Variants in ZNF334 observed in about 807,000 individuals in gnomAD.
ZNF334 encodes the protein zinc finger protein 334.
A neutral mutation model predicts 12.4 loss-of-function variants in ZNF334; 14 were observed. The ratio of observed to expected loss-of-function variants is 1.13; its 90% CI spans 0.74 to 1.76. The LOEUF is 1.76. ZNF334 is among the 40% of genes most tolerant of loss of function. The probability of loss-of-function intolerance (pLI) is 0.00; values close to 1 mark genes in which losing one functional copy is unlikely to be tolerated. For synonymous variants in ZNF334, 273 were observed against 269.6 expected, an observed-to-expected ratio of 1.01 and a Z score of -0.12; for missense variants, 797 against 804.5, an observed-to-expected ratio of 0.99 and a Z score of 0.11.
At position 46,504,333 on chromosome 20, in the gene ZNF334, G is replaced by T. The variant is rs751737703; in HGVS notation, c.149-27C>A. ...TGTTAATGGGAAATTACAGAACTTGGACCAAGATCTTTGGACATCAGAGAC... is the reference window on the plus strand; with the variant it reads ...TGTTAATGGGAAATTACAGAACTTGTACCAAGATCTTTGGACATCAGAGAC... On this transcript the variant is annotated intron_variant, in intron 3 of 4. Transcript: ENST00000692313. 6 of 1,592,214 alleles carry T rather than the reference G, an allele frequency of 3.8e-6. No individual in the cohort carries two copies. In the South Asian group the frequency reaches 6.6e-5, roughly 18 times the overall value.
At chr20:46,507,540 C>A (rs1322928131) in intron 2 of ZNF334, among the ~76,000 whole-genome samples, 1 of 152,280 alleles carries the variant, frequency 6.6e-6, no homozygotes, top group East Asian at 1.9e-4. Context: ...TCAGGGGAAG[C>A]GAGGTGAAGG....
chr20:46,485,397 T>C, the ZNF334 span: 2 of 152,038 alleles, frequency 1.3e-5, no homozygotes, highest in Admixed American at 6.5e-5. Context: ...TTACAATGAA[T>C]GAATGGGTTA....
the ZNF334 span, among the ~76,000 whole-genome samples, chr20:46,486,460 T>C: frequency 1.3e-5 from 2 of 152,226 alleles, no homozygotes; most frequent in African/African-American, 2.4e-5. Context: ...CACGATTTTA[T>C]ATATGGCTGC....
intron 4 of ZNF334, 81 bp downstream of exon 4, chr20:46,504,133 T>A (rs906243136): frequency 1.8e-5 from 17 of 957,850 alleles, no homozygotes; most frequent in African/African-American, 3.3e-5. Context: ...ATGAAAAACA[T>A]TACGATGCCA....
In ZNF334 at chr20:46,503,046, G is replaced by A. The variant is rs773180208; in HGVS notation, c.293C>T (p.Thr98Ile). The A allele has an allele frequency of 1.2e-6, 2 of 1,610,554 alleles. No homozygotes were observed. The highest frequency in any genetic ancestry group is 2.2e-5 in the South Asian group (2 of 90,214). Residue 98 changes from threonine (T) to isoleucine (I), a missense_variant, in exon 5 of 5, where the codon ACA (threonine) becomes ATA (isoleucine). Physicochemically the swap from Thr to Ile is moderately conservative, Grantham distance 89. Transcript: ENST00000692313. ...KNKEIQDKHL[T>I]QTVFFSNKTL... The stretch of plus-strand genomic sequence containing the variant: ...TTTGTTGCTGAAGAATACAGTTTGT[G>A]TCAAATGTTTATCTTGGATTTCCTT...
Position 46,510,548 on chromosome 20 carries a change from A to C in ZNF334, c.21+1534T>G, listed in dbSNP as rs569039627. Among the ~76,000 whole-genome samples the C allele has an allele frequency of 7.4e-4, 112 of 151,988 alleles. 4 individuals carry two copies. Among genetic ancestry groups the C allele is most frequent in the Middle Eastern group, 3.4e-3 (1 of 292 alleles). On this transcript the variant is annotated intron_variant, in intron 2 of 4. Transcript: ENST00000692313. ...AGACCATCCTGGCTAACATGGCGAA[A>C]CCCCGTCTCTACTAAAAAATACAAA...
rs141150629 is a variant in ZNF334 at position 46,502,696 on chromosome 20, C to T, written c.643G>A (p.Gly215Arg). The T allele has an allele frequency of 2.5e-5, 40 of 1,612,952 alleles. No individual in the cohort carries two copies. Among genetic ancestry groups the T allele is most frequent in the Non-Finnish European group, 3.2e-5 (38 of 1,179,982 alleles). Residue 215 changes from glycine (G) to arginine (R), a missense_variant, in exon 5 of 5, where the codon GGG becomes AGG. By Grantham distance (125) the Gly-to-Arg change is moderately radical. Transcript: ENST00000692313. ...LKQPFDYNKC[G>R]KTFFKRAILI... ...ATTGCCCTCTTGAAGAAGGTTTTCC[C>T]ACATTTATTATAGTCAAACGGTTGT...
chr20:46,482,414 C>T, the ZNF334 span, among the ~76,000 whole-genome samples: 1 of 152,108 alleles, frequency 6.6e-6, no homozygotes, highest in Non-Finnish European at 1.5e-5. Context: ...GAATCATAAA[C>T]GAATTTACCA....
chr20:46,503,842 G>C (rs2061336457), intron 4 of ZNF334, among the ~76,000 whole-genome samples: 1 of 152,158 alleles, frequency 6.6e-6, no homozygotes, highest in Admixed American at 6.5e-5. Flanking sequence ...GAGAAAAATG[G>C]AAGACAATTA....
the ZNF334 span, among the ~76,000 whole-genome samples, chr20:46,487,205 A>T: frequency 6.6e-6 from 1 of 152,134 alleles, no homozygotes; most frequent in Non-Finnish European, 1.5e-5. Context: ...GACCACAAAG[A>T]CATTCTCCTA....
intron 2 of ZNF334, among the ~76,000 whole-genome samples, chr20:46,509,420 T>C (rs2061560478): frequency 1.3e-5 from 2 of 152,280 alleles, no homozygotes; most frequent in Admixed American, 6.5e-5. Context: ...CAATGAGATA[T>C]GAGAGGCATT....
chr20:46,490,857 G>A, the ZNF334 span: 3 of 151,898 alleles, frequency 2.0e-5, no homozygotes, highest in Non-Finnish European at 2.9e-5. Flanking sequence ...GCAACGTTTC[G>A]TGCCCTCAAT....
At chr20:46,475,844 A>G in the ZNF334 span, among the ~76,000 whole-genome samples, 3 of 152,228 alleles carry the variant, frequency 2.0e-5, no homozygotes, top group Non-Finnish European at 1.5e-5. Flanking sequence ...AAATGGTACA[A>G]TCACTCTGGA....
chr20:46,481,957 T>G, the ZNF334 span, among the ~76,000 whole-genome samples: 11 of 151,962 alleles, frequency 7.2e-5, no homozygotes, highest in African/African-American at 2.7e-4. Context: ...GATCTTCAGA[T>G]GGGGGGTTTC....
chr20:46,462,402 G>A, the ZNF334 span, among the ~76,000 whole-genome samples: 1 of 152,078 alleles, frequency 6.6e-6, no homozygotes, highest in Non-Finnish European at 1.5e-5. Flanking sequence ...TATTACTGTA[G>A]GCCAATTACT....
chr20:46,501,117 C>A lies in ZNF334; in HGVS notation c.*179G>T. On this transcript the variant is annotated 3_prime_UTR_variant, in exon 5 of 5. Coordinates refer to ENST00000692313, the MANE Select transcript of ZNF334 (RefSeq NM_001353824.2). ...CACAATGAATAATACATTTATTAAA[C>A]AAATTATTTCTTTCCTACATGATTT... 2 of 681,536 alleles carry A rather than the reference C, an allele frequency of 2.9e-6. No homozygotes were observed. Among genetic ancestry groups the A allele is most frequent in the Non-Finnish European group, 4.6e-6 (2 of 432,788 alleles). 42.2% of individuals were successfully genotyped at this position (681,536 alleles called of 1,614,324 possible). A position where few individuals can be genotyped will look rare whatever the true frequency, so the allele number is the denominator to read the frequency against.
At chr20:46,506,578 T>C (rs1045119261) in intron 2 of ZNF334, 3 of 375,768 alleles carry the variant, frequency 8.0e-6, no homozygotes, top group Non-Finnish European at 9.4e-6. Flanking sequence ...ATTGTGCCAC[T>C]GTACTCCAGC....
chr20:46,488,442 T>TATAA, the ZNF334 span, among the ~76,000 whole-genome samples: 5 of 136,490 alleles, frequency 3.7e-5, no homozygotes, highest in South Asian at 4.4e-4. Flanking sequence ...TATATATATA[T>TATAA]AAATACCATA....
chr20:46,490,133 G>T, the ZNF334 span, among the ~76,000 whole-genome samples: 1 of 152,098 alleles, frequency 6.6e-6, no homozygotes, highest in Non-Finnish European at 1.5e-5. Flanking sequence ...TGCAATATAA[G>T]AACTTCAGTG....
Sources: gnomAD v4.1 joint callset for allele counts (sites outside exome capture counted in the v4.1 genomes callset) on GRCh38, gnomAD v4.1.1 for gene constraint, MANE v1.5 for transcripts, NCBI Gene and HGNC (gene_info 2026-07-23, HGNC 2026-07-21) for gene names.